Variants in RAC3 observed in about 807,000 individuals in gnomAD.
RAC3 encodes ras-related C3 botulinum toxin substrate 3.
In RAC3, 9 loss-of-function variants were observed where a neutral mutation model predicts 19.0. The observed-to-expected ratio is 0.47, with a 90% CI of 0.29 to 0.83. The LOEUF is 0.83. Ranked by LOEUF, RAC3 falls within the 40% of genes least tolerant of loss-of-function variation. The probability of loss-of-function intolerance (pLI) is 0.09; values close to 1 mark genes in which losing one functional copy is unlikely to be tolerated. For missense variants in RAC3, 203 were observed against 260.8 expected (o/e 0.78, Z 1.53); for synonymous variants, 146 against 111.8 (o/e 1.31, Z -1.93).
chr17:82,033,640 G>A lies in RAC3; in HGVS notation c.448+41G>A, dbSNP rs373013651. The A allele has an allele frequency of 4.4e-4, 702 of 1,602,290 alleles. No homozygotes were observed. Among genetic ancestry groups the A allele is most frequent in the Non-Finnish European group, 5.7e-4 (666 of 1,172,376 alleles). ...CGGCCTGCAGGGGAGGGGTGGGGAG[G>A]CGCAGTAAGGGCCTCCCTGTACCCC... On this transcript the variant is annotated intron_variant, in intron 5 of 5. Coordinates refer to ENST00000306897, the MANE Select transcript of RAC3 (RefSeq NM_005052.3). The surrounding 1 kb of genome is among the most constrained non-coding windows in gnomAD (Gnocchi z 6.2).
Position 82,033,317 on chromosome 17 carries a change from G to A in RAC3, c.289-123G>A. 2 of 1,213,956 alleles carry A rather than the reference G, an allele frequency of 1.6e-6. No individual in the cohort carries two copies. Among genetic ancestry groups the A allele is most frequent in the Non-Finnish European group, 2.2e-6 (2 of 894,936 alleles). The allele number at this position is 1,213,956 out of a possible 1,614,324, so 75.2% of individuals were successfully genotyped here. On this transcript the variant is annotated intron_variant, in intron 4 of 5. Transcript: ENST00000306897. This position sits in a 1 kb window ranked among gnomAD's most constrained non-coding sequence, Gnocchi z 6.2. ...CCAAATCCGCCCCTGGTCACCCCTTGAAGGAAGAAGAGCCAAGTGTAGCTC... is the reference window on the plus strand; with the variant it reads ...CCAAATCCGCCCCTGGTCACCCCTTAAAGGAAGAAGAGCCAAGTGTAGCTC...
At chr17:82,032,041 A>T (rs905521758) in intron 1 of RAC3, 1 of 232,806 alleles carries the variant, frequency 4.3e-6, no homozygotes, top group African/African-American at 2.3e-5. Flanking sequence ...GCTGCGGGCG[A>T]GGCGGGGCCG....
intron 1 of RAC3, chr17:82,032,174 C>T (rs1400573345): frequency 8.7e-6 from 5 of 578,008 alleles, no homozygotes; most frequent in East Asian, 2.9e-5. Context: ...CAGTGTGGGG[C>T]GCCCTGCGCC....
intron 2 of RAC3, 21 bp from the exon 3 acceptor site, chr17:82,032,688 ACC>A: frequency 6.2e-7 from 1 of 1,606,592 alleles, no homozygotes; most frequent in East Asian, 2.2e-5. Flanking sequence ...CCAAGCCCTG[ACC>A]CTGCCCTCAC....
chr17:82,032,318 G>A, intron 1 of RAC3, 69 bp from the exon 2 acceptor site: 1 of 1,508,652 alleles, frequency 6.6e-7, no homozygotes, highest in South Asian at 1.1e-5. Flanking sequence ...TCCGGGAGAG[G>A]GGGCTGCCCT....
rs1012462048 is a variant in RAC3 at position 82,033,944 on chromosome 17, CGG to C, written c.*120_*121del. 9.9e-6 allele frequency: 8 copies of C among 808,572 alleles called. No homozygotes were observed. Among genetic ancestry groups the C allele is most frequent in the African/African-American group, 1.8e-5 (1 of 56,390 alleles). 50.1% of individuals were successfully genotyped at this position (808,572 alleles called of 1,614,324 possible). A position where few individuals can be genotyped will look rare whatever the true frequency, so the allele number is the denominator to read the frequency against. ...GCTGTGGGGAGCGGTGGGGGTGGGCCGGGGGGAAGCATGGGGATGAGGCTGGG... is the reference window on the plus strand; with the variant it reads ...GCTGTGGGGAGCGGTGGGGGTGGGCCGGGGAAGCATGGGGATGAGGCTGGG... On this transcript the variant is annotated 3_prime_UTR_variant, in exon 6 of 6. Transcript: ENST00000306897. The surrounding 1 kb of genome is among the most constrained non-coding windows in gnomAD (Gnocchi z 6.2).
At position 82,033,042 on chromosome 17, in the gene RAC3, G is replaced by A. The variant is rs1288904437; in HGVS notation, c.288+33G>A. The A allele has an allele frequency of 1.3e-6, 2 of 1,591,488 alleles. No individual in the cohort carries two copies. The highest frequency in any genetic ancestry group is 2.2e-5 in the South Asian group (2 of 90,592). Reference sequence around the variant, plus strand: ...AAGGCTGGGGGCCCCTGTGGGGAGAGGGCTTGCCCCAGTACCTGCCCCGAC... The same window carrying A: ...AAGGCTGGGGGCCCCTGTGGGGAGAAGGCTTGCCCCAGTACCTGCCCCGAC... On this transcript the variant is annotated intron_variant, in intron 4 of 5. Coordinates refer to ENST00000306897, the MANE Select transcript of RAC3 (RefSeq NM_005052.3). The surrounding 1 kb of genome is among the most constrained non-coding windows in gnomAD (Gnocchi z 6.2).
Position 82,032,897 on chromosome 17 carries a change from G to A in RAC3, c.226-50G>A, listed in dbSNP as rs768901009. On this transcript the variant is annotated intron_variant, in intron 3 of 5. Transcript: ENST00000306897. ...GAGATCCGCACAAGGGAGGGAGCAG[G>A]GCCCTGGGGAGCCCCTGACCACTCC... The A allele has an allele frequency of 3.1e-6, 5 of 1,610,318 alleles. No individual in the cohort carries two copies. In the African/African-American group the frequency reaches 5.3e-5, roughly 17 times the overall value.
rs752058139 is a variant in RAC3, at chr17:82,033,775, G to T, written c.525G>T (p.Ala175=). Residue 175 remains alanine, a synonymous_variant, in exon 6 of 6, where the codon GCG becomes GCT. Transcript: ENST00000306897. This position sits in a 1 kb window ranked among gnomAD's most constrained non-coding sequence, Gnocchi z 6.2. ...CAGTGTTTGACGAGGCGATCCGCGC[G>T]GTGCTCTGCCCGCCCCCAGTGAAGA... The part of the protein sequence containing the change: ...LKTVFDEAIR[A]VLCPPPVKKP... 14 of 1,612,442 alleles carry T rather than the reference G, an allele frequency of 8.7e-6. No individual in the cohort carries two copies. The highest frequency in any genetic ancestry group is 5.9e-6 in the Non-Finnish European group (7 of 1,179,722).
In RAC3 at chr17:82,032,822, C is replaced by G. The variant is rs775648847; in HGVS notation, c.219C>G (p.Pro73=). The change falls in exon 3 of 6, where the codon CCC becomes CCG. Residue 73 remains proline, a synonymous_variant. Transcript: ENST00000306897. ...DYDRLRPLSY[P]QTDVFLICFS... Reference sequence around the variant, plus strand: ...ATCGGCTGCGGCCACTCTCCTACCCCCAAACTGTACGTAACAATGGGGCCA... The same window carrying G: ...ATCGGCTGCGGCCACTCTCCTACCCGCAAACTGTACGTAACAATGGGGCCA... 4.3e-6 allele frequency: 7 copies of G among 1,612,876 alleles called. 1 individual carries two copies. The highest frequency in any genetic ancestry group is 4.0e-5 in the African/African-American group (3 of 74,928).
intron 1 of RAC3, 146 bp from the exon 2 acceptor site, chr17:82,032,241 A>G: frequency 1.4e-6 from 1 of 703,660 alleles, no homozygotes; most frequent in Admixed American, 2.7e-5. Context: ...CTCCAGCCTT[A>G]GGTCGCCACG....
intron 1 of RAC3, 75 bp from the exon 2 acceptor site, chr17:82,032,312 G>C: frequency 2.0e-6 from 3 of 1,479,150 alleles, no homozygotes; most frequent in Non-Finnish European, 2.8e-6. Flanking sequence ...TCTGGCTCCG[G>C]GAGAGGGGGC....
chr17:82,032,490 G>A (rs1471607406), intron 2 of RAC3, 32 bp downstream of exon 2: 1 of 1,608,120 alleles, frequency 6.2e-7, no homozygotes, highest in South Asian at 1.1e-5. Context: ...GAGAGCACAG[G>A]CCCTCCGTGT....
chr17:82,032,061 C>T lies in RAC3; in HGVS notation c.35+265C>T, dbSNP rs537161285. Reference sequence around the variant, plus strand: ...GGGCGAGGCGGGGCCGCCGCCCTGTCCTCCCAGTGGGTGGGGCCAGGCCTC... The same window carrying T: ...GGGCGAGGCGGGGCCGCCGCCCTGTTCTCCCAGTGGGTGGGGCCAGGCCTC... On this transcript the variant is annotated intron_variant, in intron 1 of 5. Coordinates refer to ENST00000306897, the MANE Select transcript of RAC3 (RefSeq NM_005052.3). 118 of 283,008 alleles carry T rather than the reference C, an allele frequency of 4.2e-4. 1 individual carries two copies. The East Asian group carries it at 7.3e-3, about 18-fold the overall frequency. 17.5% of individuals were successfully genotyped at this position (283,008 alleles called of 1,614,324 possible). A position where few individuals can be genotyped will look rare whatever the true frequency, so the allele number is the denominator to read the frequency against.
Position 82,032,722 on chromosome 17 carries a change from ACTC to A in RAC3, c.120_122del (p.Ser41del), listed in dbSNP as rs930564276. 1 of 1,612,758 alleles carries A rather than the reference ACTC, an allele frequency of 6.2e-7. No individual in the cohort carries two copies. On this transcript the variant is annotated inframe_deletion, in exon 3 of 6. Coordinates refer to ENST00000306897, the MANE Select transcript of RAC3 (RefSeq NM_005052.3). ...TCACTGCTCTGCAGTTTTGACAACTACTCTGCCAACGTGATGGTGGACGGGAAA... is the reference window on the plus strand; with the variant it reads ...TCACTGCTCTGCAGTTTTGACAACTATGCCAACGTGATGGTGGACGGGAAA...
In RAC3 at chr17:82,032,932, C is replaced by A. The variant is rs1386545575; in HGVS notation, c.226-15C>A. On this transcript the variant is annotated splice_polypyrimidine_tract_variant and intron_variant, in intron 3 of 5. Transcript: ENST00000306897. ...AGCCCCTGACCACTCCACCAGGTCC[C>A]ACCTTTTTCCCAAGGACGTCTTTCT... 1 of 1,613,358 alleles carries A rather than the reference C, an allele frequency of 6.2e-7. No individual in the cohort carries two copies. Among genetic ancestry groups the A allele is most frequent in the Non-Finnish European group, 8.5e-7 (1 of 1,179,780 alleles).
Position 82,033,994 on chromosome 17 carries a change from C to A in RAC3, c.*165C>A. 1 of 928,360 alleles carries A rather than the reference C, an allele frequency of 1.1e-6. No homozygotes were observed. Among genetic ancestry groups the A allele is most frequent in the Non-Finnish European group, 1.6e-6 (1 of 644,072 alleles). 57.5% of individuals were successfully genotyped at this position (928,360 alleles called of 1,614,324 possible). On this transcript the variant is annotated 3_prime_UTR_variant, in exon 6 of 6. Coordinates refer to ENST00000306897, the MANE Select transcript of RAC3 (RefSeq NM_005052.3). This position sits in a 1 kb window ranked among gnomAD's most constrained non-coding sequence, Gnocchi z 6.2. ...GGGTGGCAGGATCCTGTCCTCTCTG[C>A]CGCCTCATTCTGGGGTGTGGCTCCA...
At chr17:82,032,305 G>A in intron 1 of RAC3, 82 bp from the exon 2 acceptor site, 1 of 1,426,278 alleles carries the variant, frequency 7.0e-7, no homozygotes, top group Non-Finnish European at 9.8e-7. Flanking sequence ...ACTCGCCTCT[G>A]GCTCCGGGAG....
Position 82,033,832 on chromosome 17 carries a change from C to G in RAC3, c.*3C>G, listed in dbSNP as rs370664335. ...GGAAGAAGTGCACCGTCTTCTAGAG[C>G]CCTGGCCCACCCGAGCCTGAGGGCT... On this transcript the variant is annotated 3_prime_UTR_variant, in exon 6 of 6. Transcript: ENST00000306897. This position sits in a 1 kb window ranked among gnomAD's most constrained non-coding sequence, Gnocchi z 6.2. 1,359 of 1,588,564 alleles carry G rather than the reference C, an allele frequency of 8.6e-4. 5 individuals carry two copies. Among genetic ancestry groups the G allele is most frequent in the South Asian group, 1.1e-3 (98 of 88,512 alleles).
Sources: allele counts gnomAD v4.1 joint callset, GRCh38; gene constraint gnomAD v4.1.1; non-coding constraint Gnocchi (gnomAD v3.1); transcripts MANE v1.5; gene names NCBI Gene and HGNC (gene_info 2026-07-23, HGNC 2026-07-21).